The following KCNK10 variants were observed in gnomAD, a reference collection of about 807,000 sequenced individuals.
KCNK10 encodes potassium two pore domain channel subfamily K member 10.
In KCNK10, 25 loss-of-function variants were observed where a neutral mutation model predicts 47.7. The observed-to-expected ratio is 0.52, with a 90% CI of 0.38 to 0.73. KCNK10 has a LOEUF of 0.73. KCNK10 is among the 30% of genes least tolerant of loss of function. KCNK10 has a pLI of 0.00. For synonymous variants in KCNK10, 303 were observed against 285.6 expected (o/e 1.06, Z -0.61); for missense variants, 563 against 714.5 (o/e 0.79, Z 2.42).
chr14:88,278,357 CT>C (rs1341211204), intron 1 of KCNK10, among the ~76,000 whole-genome samples: 3 of 152,206 alleles, frequency 2.0e-5, no homozygotes, highest in Non-Finnish European at 4.4e-5. Flanking sequence ...AAAGCAGTCT[CT>C]ATGTGATGGG....
chr14:88,278,633 A>T (rs35180930), intron 1 of KCNK10, among the ~76,000 whole-genome samples: 24,664 of 152,112 alleles, frequency 0.16, 2,257 homozygotes, highest in East Asian at 0.42. Flanking sequence ...AGATAGTTCA[A>T]TCTAACCTTT....
chr14:88,259,703 C>T (rs571075033), intron 2 of KCNK10, among the ~76,000 whole-genome samples: 13 of 152,312 alleles, frequency 8.5e-5, no homozygotes, highest in East Asian at 5.8e-4. Context: ...GCAATCCATC[C>T]GCCTTGGCCC....
intron 2 of KCNK10, among the ~76,000 whole-genome samples, chr14:88,261,746 T>G (rs1296205741): frequency 2.7e-5 from 4 of 148,694 alleles, no homozygotes; most frequent in Non-Finnish European, 4.5e-5. Flanking sequence ...AGTGACAGAA[T>G]GAGACCCTGT....
intron 2 of KCNK10, among the ~76,000 whole-genome samples, chr14:88,253,462 A>G (rs1409531783): frequency 6.6e-6 from 1 of 152,218 alleles, no homozygotes; most frequent in Non-Finnish European, 1.5e-5. Flanking sequence ...AGGTATGGAA[A>G]CATCACGAGG....
chr14:88,306,235 A>G (rs1250649161), intron 1 of KCNK10, among the ~76,000 whole-genome samples: 1 of 152,058 alleles, frequency 6.6e-6, no homozygotes, highest in Non-Finnish European at 1.5e-5. Flanking sequence ...CAAGCACATA[A>G]CCACTACCGG....
intron 1 of KCNK10, among the ~76,000 whole-genome samples, chr14:88,313,523 A>G (rs1161781315): frequency 6.6e-6 from 1 of 152,222 alleles, no homozygotes; most frequent in African/African-American, 2.4e-5. Flanking sequence ...GTCACATATG[A>G]GTACACATAA....
At chr14:88,282,942 A>G (rs1887681966) in intron 1 of KCNK10, among the ~76,000 whole-genome samples, 2 of 152,204 alleles carry the variant, frequency 1.3e-5, no homozygotes, top group African/African-American at 4.8e-5. Flanking sequence ...GTGCAGACAT[A>G]CATTGTACCC....
intron 1 of KCNK10, among the ~76,000 whole-genome samples, chr14:88,303,983 G>A (rs1336162404): frequency 2.6e-5 from 4 of 152,012 alleles, no homozygotes; most frequent in South Asian, 2.1e-4. Flanking sequence ...CAGAATGGAC[G>A]CTCTTTAATG....
At chr14:88,257,141 C>G (rs1886979208) in intron 2 of KCNK10, among the ~76,000 whole-genome samples, 2 of 152,176 alleles carry the variant, frequency 1.3e-5, no homozygotes, top group Non-Finnish European at 1.5e-5. Flanking sequence ...TATCTCTCAG[C>G]ATCCCTCACC....
At chr14:88,262,496 G>A (rs1013175739) in intron 2 of KCNK10, among the ~76,000 whole-genome samples, 1 of 152,102 alleles carries the variant, frequency 6.6e-6, no homozygotes, top group African/African-American at 2.4e-5. Context: ...TACCGCCACA[G>A]TCCACCCCTG....
intron 4 of KCNK10, among the ~76,000 whole-genome samples, chr14:88,215,669 T>A (rs188118875): frequency 6.6e-6 from 1 of 152,078 alleles, no homozygotes; most frequent in Non-Finnish European, 1.5e-5. Flanking sequence ...CAGATGTTCA[T>A]GAATAACTTC....
chr14:88,219,213 C>T (rs116167566), intron 4 of KCNK10, among the ~76,000 whole-genome samples: 1 of 152,164 alleles, frequency 6.6e-6, no homozygotes, highest in East Asian at 1.9e-4. Flanking sequence ...AGAGTGGGAC[C>T]CAGGAGTGCA....
rs1884367112 is a variant in KCNK10 at position 88,181,744 on chromosome 14, A to G, written c.*3791T>C. The G allele has an allele frequency of 6.6e-6, 1 of 152,288 alleles. No homozygotes were observed. The highest frequency in any genetic ancestry group is 2.1e-4 in the South Asian group (1 of 4,826). The allele number at this position is 152,288 out of a possible 1,614,324, so 9.4% of individuals were successfully genotyped here. ...AGAGACTAAGCTCTCACCTTAACCT[A>G]AAATGGGCAAGACAATTAATTAGTC... is the stretch of plus-strand genomic sequence containing the variant. On this transcript the variant is annotated 3_prime_UTR_variant, in exon 7 of 7. Coordinates refer to ENST00000319231, the MANE Select transcript of KCNK10 (RefSeq NM_138317.3).
At chr14:88,299,355 C>G (rs764882777) in intron 1 of KCNK10, among the ~76,000 whole-genome samples, 10 of 152,170 alleles carry the variant, frequency 6.6e-5, no homozygotes, top group Non-Finnish European at 1.0e-4. Flanking sequence ...ACCTGTCAGG[C>G]CTACATCTCA....
Position 88,188,039 on chromosome 14 carries a change from A to G in KCNK10, c.939T>C (p.Leu313=). 1 of 1,614,184 alleles carries G rather than the reference A, an allele frequency of 6.2e-7. No individual in the cohort carries two copies. Among genetic ancestry groups the G allele is most frequent in the Non-Finnish European group, 8.5e-7 (1 of 1,180,014 alleles). The change falls in exon 6 of 7, where the codon CTT becomes CTC. Residue 313 remains leucine, a synonymous_variant. Coordinates refer to ENST00000319231, the MANE Select transcript of KCNK10 (RefSeq NM_138317.3). ...TACTGAGGACAGCTGCAAAGTAGGCAAGGCCAACAAGGATCCAAAACCACA... is the reference window on the plus strand; with the variant it reads ...TACTGAGGACAGCTGCAAAGTAGGCGAGGCCAACAAGGATCCAAAACCACA... ...PLVWFWILVG[L]AYFAAVLSMI... is the part of the protein sequence containing the mutation.
rs954167588 is a variant in KCNK10 at position 88,180,806 on chromosome 14, G to A, written c.*4729C>T. 4 of 398,678 alleles carry A rather than the reference G, an allele frequency of 1.0e-5. No individual in the cohort carries two copies. The highest frequency in any genetic ancestry group is 8.2e-5 in the African/African-American group (4 of 48,644). The allele number at this position is 398,678 out of a possible 1,614,324, so 24.7% of individuals were successfully genotyped here. ...AAGTCCAATGAAGGTATGGTGCAGAGACAGAGGACAGGGCTTTGCTTACAG... is the reference window on the plus strand; with the variant it reads ...AAGTCCAATGAAGGTATGGTGCAGAAACAGAGGACAGGGCTTTGCTTACAG... On this transcript the variant is annotated 3_prime_UTR_variant, in exon 7 of 7. Coordinates refer to ENST00000319231, the MANE Select transcript of KCNK10 (RefSeq NM_138317.3).
chr14:88,207,144 T>C (rs1885299917), intron 4 of KCNK10, among the ~76,000 whole-genome samples: 1 of 151,548 alleles, frequency 6.6e-6, no homozygotes, highest in South Asian at 2.1e-4. Context: ...CATACAATAC[T>C]AGTTTCGATT....
chr14:88,308,569 C>T (rs1416045042), intron 1 of KCNK10, among the ~76,000 whole-genome samples: 4 of 152,250 alleles, frequency 2.6e-5, no homozygotes, highest in East Asian at 1.9e-4. Flanking sequence ...TGTGTGCACG[C>T]GTGCACACGC....
At chr14:88,226,891 G>C (rs116837626) in intron 4 of KCNK10, among the ~76,000 whole-genome samples, 49 of 152,324 alleles carry the variant, frequency 3.2e-4, no homozygotes, top group African/African-American at 1.2e-3. Flanking sequence ...GAGAGAGAGA[G>C]ACCATTAGGA....
Sources: gnomAD v4.1 joint callset for allele counts (sites outside exome capture counted in the v4.1 genomes callset) on GRCh38, gnomAD v4.1.1 for gene constraint, MANE v1.5 for transcripts, NCBI Gene and HGNC (gene_info 2026-07-23, HGNC 2026-07-21) for gene names.